The following HDAC4 variants were observed in gnomAD, a reference collection of about 807,000 sequenced individuals.
HDAC4 encodes histone deacetylase 4.
HDAC4 carries 16 observed loss-of-function variants against 135.1 expected under a neutral mutation model. That is an observed-to-expected ratio of 0.12 (90% CI 0.08 to 0.18). HDAC4 has a LOEUF of 0.18. HDAC4 is among the 10% of genes least tolerant of loss of function. The probability of loss-of-function intolerance (pLI) is 1.00; values close to 1 mark genes in which losing one functional copy is unlikely to be tolerated. For synonymous variants in HDAC4, 685 were observed against 653.4 expected, an observed-to-expected ratio of 1.05 and a Z score of -0.74; for missense variants, 1,143 against 1,511.8, an observed-to-expected ratio of 0.76 and a Z score of 4.05.
intron 6 of HDAC4, among the ~76,000 whole-genome samples, chr2:239,163,130 C>T (rs879621790): frequency 6.6e-6 from 1 of 152,138 alleles, no homozygotes; most frequent in Non-Finnish European, 1.5e-5. Context: ...CGGCTCTCTT[C>T]AGTCCTCAGA....
chr2:239,363,813 C>T (rs181775832), intron 1 of HDAC4, among the ~76,000 whole-genome samples: 3 of 152,180 alleles, frequency 2.0e-5, no homozygotes, highest in African/African-American at 7.2e-5. Flanking sequence ...GACCCTGCCA[C>T]ACATACACCC....
intron 3 of HDAC4, among the ~76,000 whole-genome samples, chr2:239,200,199 C>T (rs1395549235): frequency 6.6e-6 from 1 of 152,150 alleles, no homozygotes; most frequent in African/African-American, 2.4e-5. Flanking sequence ...GACGGACATG[C>T]GTGTTTGACC....
chr2:239,316,326 C>T (rs906824563), intron 2 of HDAC4, among the ~76,000 whole-genome samples: 31 of 152,296 alleles, frequency 2.0e-4, no homozygotes, highest in Non-Finnish European at 3.1e-4. Flanking sequence ...ATGGCAGGCC[C>T]GGTGACTCTC....
intron 24 of HDAC4, among the ~76,000 whole-genome samples, chr2:239,060,774 CTCTG>C (rs762691951): frequency 1.5e-4 from 23 of 152,260 alleles, no homozygotes; most frequent in East Asian, 1.9e-4. Flanking sequence ...TTCAGCGTAA[CTCTG>C]TCTGTCACAA....
intron 2 of HDAC4, among the ~76,000 whole-genome samples, chr2:239,290,708 ACACT>A (rs906273323): frequency 1.6e-4 from 25 of 151,898 alleles, no homozygotes; most frequent in South Asian, 4.2e-4. Context: ...ACGCACGCAC[ACACT>A]CACATACGCA....
At chr2:239,237,033 A>C (rs868374366) in intron 2 of HDAC4, among the ~76,000 whole-genome samples, 2 of 152,250 alleles carry the variant, frequency 1.3e-5, no homozygotes, top group Middle Eastern at 3.4e-3. Context: ...CTCTTCTCAG[A>C]TAGTGACAAA....
intron 2 of HDAC4, among the ~76,000 whole-genome samples, chr2:239,342,911 C>T (rs559016270): frequency 2.6e-5 from 4 of 152,296 alleles, no homozygotes; most frequent in African/African-American, 9.6e-5. Context: ...CTATGGGCTT[C>T]GGTCTCCAAA....
intron 4 of HDAC4, 136 bp downstream of exon 4, chr2:239,189,697 C>T (rs2044782919): frequency 1.2e-6 from 1 of 801,120 alleles, no homozygotes; most frequent in African/African-American, 1.7e-5. Flanking sequence ...GTTACCGTCC[C>T]AACGCAGAAG....
At chr2:239,239,659 C>T (rs2048066625) in intron 2 of HDAC4, among the ~76,000 whole-genome samples, 1 of 152,208 alleles carries the variant, frequency 6.6e-6, no homozygotes, top group Admixed American at 6.5e-5. Context: ...CACAGAGATG[C>T]TGCTTGTTCT....
At position 239,400,942 on chromosome 2, in the gene HDAC4, C is replaced by G. The variant is rs1427638007; in HGVS notation, c.-220+36G>C. On this transcript the variant is annotated intron_variant, in intron 1 of 26. Transcript: ENST00000543185. This position sits in a 1 kb window ranked among gnomAD's most constrained non-coding sequence, Gnocchi z 4.7. ...ACGGTGCTCCGCGGCGGCGGCCCCA[C>G]AACCTCCCCTCCTCATTCACAAAAA... The G allele has an allele frequency of 6.6e-6, 1 of 151,052 alleles. No homozygotes were observed. Among genetic ancestry groups the G allele is most frequent in the Non-Finnish European group, 1.5e-5 (1 of 67,402 alleles). 9.4% of individuals were successfully genotyped at this position (151,052 alleles called of 1,614,324 possible).
intron 1 of HDAC4, among the ~76,000 whole-genome samples, chr2:239,393,970 C>T (rs1405249777): frequency 1.3e-5 from 2 of 151,652 alleles, no homozygotes; most frequent in African/African-American, 4.9e-5. Flanking sequence ...AGGACCACCC[C>T]CCCTCCACCC....
At chr2:239,168,386 T>C (rs528480850) in intron 5 of HDAC4, among the ~76,000 whole-genome samples, 46 of 152,300 alleles carry the variant, frequency 3.0e-4, no homozygotes, top group Non-Finnish European at 5.0e-4. Flanking sequence ...AATCAAAACC[T>C]AGCTGGTTAA....
chr2:239,114,594 G>A (rs187038875), intron 13 of HDAC4, among the ~76,000 whole-genome samples: 10 of 152,302 alleles, frequency 6.6e-5, no homozygotes, highest in Admixed American at 2.6e-4. Flanking sequence ...TGCCACAATC[G>A]CACCCGTCTG....
chr2:239,101,138 C>A (rs1346382213), intron 16 of HDAC4, among the ~76,000 whole-genome samples: 1 of 152,138 alleles, frequency 6.6e-6, no homozygotes, highest in Admixed American at 6.5e-5. Context: ...CCCCGGCCCA[C>A]CTGCTTCCTA....
At chr2:239,294,134 C>T (rs183765385) in intron 2 of HDAC4, among the ~76,000 whole-genome samples, 26 of 152,296 alleles carry the variant, frequency 1.7e-4, no homozygotes, top group Admixed American at 9.8e-4. Flanking sequence ...ATGGATGCTC[C>T]GTGCAGTGCA....
chr2:239,307,004 G>A lies in HDAC4; in HGVS notation c.22+45674C>T, dbSNP rs978067314. 2.6e-5 allele frequency among the ~76,000 whole-genome samples: 4 copies of A among 152,108 alleles called. No homozygotes were observed. Among genetic ancestry groups the A allele is most frequent in the African/African-American group, 7.2e-5 (3 of 41,432 alleles). On this transcript the variant is annotated intron_variant, in intron 2 of 26. Coordinates refer to ENST00000543185, the MANE Select transcript of HDAC4 (RefSeq NM_001378414.1). The surrounding 1 kb of genome is among the most constrained non-coding windows in gnomAD (Gnocchi z 4.8). ...GAGCCGCAGGACCATAGGGGCCACC[G>A]GCAGGGTGGGTGATGCCATCCTTCC...
At chr2:239,108,777 G>A (rs544041862) in intron 14 of HDAC4, among the ~76,000 whole-genome samples, 1 of 152,314 alleles carries the variant, frequency 6.6e-6, no homozygotes, top group South Asian at 2.1e-4. Flanking sequence ...ATGTACACAG[G>A]TCTACTTAAC....
intron 3 of HDAC4, among the ~76,000 whole-genome samples, chr2:239,226,865 G>T (rs1236175360): frequency 6.6e-6 from 1 of 152,162 alleles, no homozygotes; most frequent in Non-Finnish European, 1.5e-5. Context: ...CCAGCCACAG[G>T]GTGGCATTTC....
At chr2:239,100,313 G>A (rs987590176) in intron 16 of HDAC4, among the ~76,000 whole-genome samples, 7 of 152,216 alleles carry the variant, frequency 4.6e-5, no homozygotes, top group African/African-American at 1.4e-4. Context: ...GAGCTGTCAC[G>A]TTTTGCTCCA....
Sources: allele counts gnomAD v4.1 joint callset (sites outside exome capture counted in the v4.1 genomes callset), GRCh38; gene constraint gnomAD v4.1.1; non-coding constraint Gnocchi (gnomAD v3.1); transcripts MANE v1.5; gene names NCBI Gene and HGNC (gene_info 2026-07-23, HGNC 2026-07-21).